Variants in RBFOX3 observed in about 807,000 individuals in gnomAD.
RBFOX3 encodes the protein RNA binding protein fox-1 homolog 3.
In RBFOX3, 17 loss-of-function variants were observed where a neutral mutation model predicts 48.7. The observed-to-expected ratio is 0.35, with a 90% CI of 0.24 to 0.52. RBFOX3 has a LOEUF of 0.52. Among genes scored for constraint, RBFOX3 ranks in the 20% least tolerant of loss-of-function variants. The pLI, the probability that RBFOX3 is intolerant of heterozygous loss-of-function variation, is 0.94. For synonymous variants in RBFOX3, 212 were observed against 209.5 expected (o/e 1.01, Z -0.10); for missense variants, 382 against 497.5 (o/e 0.77, Z 2.21).
At chr17:79,134,752 T>C (rs910802031) in intron 4 of RBFOX3, among the ~76,000 whole-genome samples, 4 of 152,298 alleles carry the variant, frequency 2.6e-5, no homozygotes, top group Middle Eastern at 3.4e-3. Flanking sequence ...AGTTCCCCCC[T>C]GCGCCTGGGC....
chr17:79,606,033 C>A (rs1292056535), intron 1 of RBFOX3, among the ~76,000 whole-genome samples: 1 of 152,212 alleles, frequency 6.6e-6, no homozygotes, highest in Non-Finnish European at 1.5e-5. Flanking sequence ...GACTGCAGAG[C>A]CTTCGATACC....
chr17:79,351,037 C>T (rs1475764803), intron 2 of RBFOX3, among the ~76,000 whole-genome samples: 1 of 152,244 alleles, frequency 6.6e-6, no homozygotes, highest in Non-Finnish European at 1.5e-5. Flanking sequence ...GTGCATCTGG[C>T]TGTTTCACCC....
intron 2 of RBFOX3, among the ~76,000 whole-genome samples, chr17:79,467,865 C>A (rs1336305826): frequency 6.6e-6 from 1 of 152,060 alleles, no homozygotes; most frequent in Non-Finnish European, 1.5e-5. Flanking sequence ...GCCTCCTCCT[C>A]TGCTTGCCCC....
chr17:79,218,797 G>T (rs1040397917), intron 4 of RBFOX3, among the ~76,000 whole-genome samples: 1 of 152,186 alleles, frequency 6.6e-6, no homozygotes, highest in African/African-American at 2.4e-5. Flanking sequence ...GGGCATTCTT[G>T]GTAGAACCAA....
intron 4 of RBFOX3, among the ~76,000 whole-genome samples, chr17:79,183,871 C>T (rs1012358573): frequency 1.3e-5 from 2 of 152,214 alleles, no homozygotes; most frequent in Non-Finnish European, 2.9e-5. Context: ...GCAGCCCTCC[C>T]TCGCGCCCTC....
chr17:79,119,712 G>A (rs141866384), intron 4 of RBFOX3, among the ~76,000 whole-genome samples: 90 of 152,292 alleles, frequency 5.9e-4, no homozygotes, highest in Non-Finnish European at 1.1e-3. Context: ...GCCAGCCAGC[G>A]TGACTCAGGG....
chr17:79,646,733 C>T, the RBFOX3 span, among the ~76,000 whole-genome samples: 2 of 152,282 alleles, frequency 1.3e-5, no homozygotes, highest in East Asian at 1.9e-4. Flanking sequence ...ACCTGACCTG[C>T]CCATTTGCTA....
the RBFOX3 span, among the ~76,000 whole-genome samples, chr17:79,643,830 TA>T: frequency 6.6e-6 from 1 of 152,158 alleles, no homozygotes; most frequent in South Asian, 2.1e-4. Context: ...ATGCTTATAT[TA>T]AAAAAGACGT....
chr17:79,446,869 C>T (rs898303844), intron 2 of RBFOX3, among the ~76,000 whole-genome samples: 11 of 152,172 alleles, frequency 7.2e-5, no homozygotes, highest in South Asian at 6.2e-4. Flanking sequence ...TGTAACACCA[C>T]GGCTTCAATA....
chr17:79,228,383 G>A (rs551152673), intron 4 of RBFOX3, among the ~76,000 whole-genome samples: 21 of 152,260 alleles, frequency 1.4e-4, no homozygotes, highest in African/African-American at 4.3e-4. Flanking sequence ...GAACACGCCC[G>A]GACAAGCCTC....
chr17:79,316,762 A>G (rs1003747851), intron 2 of RBFOX3, among the ~76,000 whole-genome samples: 4 of 152,266 alleles, frequency 2.6e-5, no homozygotes, highest in Non-Finnish European at 5.9e-5. Flanking sequence ...GAAATTTCAG[A>G]TAACAGATAA....
intron 3 of RBFOX3, among the ~76,000 whole-genome samples, chr17:79,275,533 C>T (rs762852181): frequency 5.3e-5 from 8 of 152,180 alleles, no homozygotes; most frequent in Non-Finnish European, 1.0e-4. Context: ...GCAGACCGCA[C>T]GCTCACTGAA....
In RBFOX3 at chr17:79,090,597, C is replaced by A. The variant is rs532889876; in HGVS notation, c.*286G>T. On this transcript the variant is annotated 3_prime_UTR_variant, in exon 15 of 15. Transcript: ENST00000693108. ...GGGAGGCCCCTTCCCCTCCAACTCCCCCACTGCCTGAGACGGAGGGGCGTG... is the reference window on the plus strand; with the variant it reads ...GGGAGGCCCCTTCCCCTCCAACTCCACCACTGCCTGAGACGGAGGGGCGTG... 173 of 434,800 alleles carry A rather than the reference C, an allele frequency of 4.0e-4. No individual in the cohort carries two copies. The highest frequency in any genetic ancestry group is 3.3e-3 in the African/African-American group (162 of 49,146). The allele number at this position is 434,800 out of a possible 1,614,324, so 26.9% of individuals were successfully genotyped here. A position where few individuals can be genotyped will look rare whatever the true frequency, so the allele number is the denominator to read the frequency against.
chr17:79,225,722 G>A (rs1456699113), intron 4 of RBFOX3, among the ~76,000 whole-genome samples: 1 of 152,208 alleles, frequency 6.6e-6, no homozygotes, highest in East Asian at 1.9e-4. Flanking sequence ...AGAGCCGGAG[G>A]GGGTACTGGG....
At chr17:79,578,944 G>C (rs1005372373) in intron 1 of RBFOX3, among the ~76,000 whole-genome samples, 1 of 152,152 alleles carries the variant, frequency 6.6e-6, no homozygotes, top group East Asian at 1.9e-4. Flanking sequence ...GGTTAGTTAC[G>C]TTCTCTAAGA....
chr17:79,111,382 C>A lies in RBFOX3; in HGVS notation c.222+4112G>T, dbSNP rs1289865489. Among the ~76,000 whole-genome samples the A allele has an allele frequency of 6.6e-6, 1 of 152,166 alleles. No homozygotes were observed. The highest frequency in any genetic ancestry group is 1.5e-5 in the Non-Finnish European group (1 of 68,018). ...TCTCATCCCGTCTCCCTCTACCTGG[C>A]TGGCCCTCCACAGTGACCCTCCGTG... On this transcript the variant is annotated intron_variant, in intron 5 of 14. Coordinates refer to ENST00000693108, the MANE Select transcript of RBFOX3 (RefSeq NM_001350451.2). The surrounding 1 kb of genome is among the most constrained non-coding windows in gnomAD (Gnocchi z 4.2).
intron 1 of RBFOX3, among the ~76,000 whole-genome samples, chr17:79,605,565 C>T (rs1298596287): frequency 6.6e-6 from 1 of 152,204 alleles, no homozygotes; most frequent in African/African-American, 2.4e-5. Flanking sequence ...CGGCCAGGTA[C>T]AGAGCGGTTG....
chr17:79,417,923 A>G (rs1284231195), intron 2 of RBFOX3, among the ~76,000 whole-genome samples: 1 of 152,258 alleles, frequency 6.6e-6, no homozygotes, highest in Non-Finnish European at 1.5e-5. Context: ...ACAACATGGG[A>G]GAACCCTGGG....
rs1011816001 is a variant in RBFOX3, at chr17:79,525,867, C to A, written c.-319-43269G>T. On this transcript the variant is annotated intron_variant, in intron 1 of 14. Transcript: ENST00000693108. ...CTGGAAAAATGCTGGAATCCCCCAG[C>A]CAGGATGGGAATCGCTGACCTACAG... Among the ~76,000 whole-genome samples the A allele has an allele frequency of 6.4e-4, 98 of 152,344 alleles. 3 individuals are homozygous for A. In the East Asian group the frequency reaches 0.018, roughly 28 times the overall value.
Sources: gnomAD v4.1 joint callset for allele counts (sites outside exome capture counted in the v4.1 genomes callset) on GRCh38, gnomAD v4.1.1 for gene constraint, Gnocchi (gnomAD v3.1) non-coding constraint, MANE v1.5 for transcripts, NCBI Gene and HGNC (gene_info 2026-07-23, HGNC 2026-07-21) for gene names.